The following SLC24A2 variants were observed in gnomAD, a reference collection of about 807,000 sequenced individuals.
SLC24A2 encodes the protein sodium/potassium/calcium exchanger 2.
In SLC24A2, 36 loss-of-function variants were observed where a neutral mutation model predicts 62.0. That is an observed-to-expected ratio of 0.58 (90% CI 0.44 to 0.77). The LOEUF (loss-of-function observed/expected upper bound fraction) is 0.77, where lower values mean the gene tolerates loss of function less well. Among genes scored for constraint, SLC24A2 ranks in the 30% least tolerant of loss-of-function variants. The pLI, the probability that SLC24A2 is intolerant of heterozygous loss-of-function variation, is 0.00. For synonymous variants in SLC24A2, 358 were observed against 294.0 expected, an observed-to-expected ratio of 1.22 and a Z score of -2.23; for missense variants, 846 against 817.9, an observed-to-expected ratio of 1.03 and a Z score of -0.42.
the SLC24A2 span, among the ~76,000 whole-genome samples, chr9:20,176,333 G>T: frequency 2.0e-5 from 3 of 152,000 alleles, no homozygotes; most frequent in Non-Finnish European, 4.4e-5. Context: ...TAACATTATA[G>T]CTGTGATTTC....
At chr9:19,940,769 G>A in the SLC24A2 span, among the ~76,000 whole-genome samples, 1 of 152,238 alleles carries the variant, frequency 6.6e-6, no homozygotes, top group African/African-American at 2.4e-5. Context: ...TACAATGCCT[G>A]CTCCCAAGGG....
rs1212363284 is a variant in SLC24A2, at chr9:19,508,290, C to G, written c.*7863G>C. ...AGAGTCTCAGCCCTTTAGAGAAACT[C>G]TTCAGACCACAAAACAGCCTCTAAC... On this transcript the variant is annotated 3_prime_UTR_variant, in exon 11 of 11. Coordinates refer to ENST00000341998, the MANE Select transcript of SLC24A2 (RefSeq NM_020344.4). The G allele has an allele frequency of 6.6e-6, 1 of 152,166 alleles. No individual in the cohort carries two copies. Among genetic ancestry groups the G allele is most frequent in the Non-Finnish European group, 1.5e-5 (1 of 68,028 alleles). 9.4% of individuals were successfully genotyped at this position (152,166 alleles called of 1,614,324 possible).
At chr9:20,074,913 G>C in the SLC24A2 span, among the ~76,000 whole-genome samples, 1 of 152,016 alleles carries the variant, frequency 6.6e-6, no homozygotes, top group African/African-American at 2.4e-5. Flanking sequence ...GAGCTACAGG[G>C]GCTATGGCTT....
chr9:19,833,339 G>C, the SLC24A2 span, among the ~76,000 whole-genome samples: 1 of 152,174 alleles, frequency 6.6e-6, no homozygotes, highest in Non-Finnish European at 1.5e-5. Context: ...AAAGAAAGGG[G>C]TGACAGACGG....
intron 7 of SLC24A2, among the ~76,000 whole-genome samples, chr9:19,556,407 C>G (rs1021265325): frequency 2.0e-5 from 3 of 152,168 alleles, no homozygotes; most frequent in African/African-American, 7.2e-5. Flanking sequence ...GGGCACTGAG[C>G]AAGATTCCAG....
the SLC24A2 span, among the ~76,000 whole-genome samples, chr9:19,955,569 A>G: frequency 6.6e-6 from 1 of 152,152 alleles, no homozygotes; most frequent in African/African-American, 2.4e-5. Context: ...AACAACAGGT[A>G]TTTGAGGCAG....
chr9:20,153,627 A>G, the SLC24A2 span, among the ~76,000 whole-genome samples: 3 of 151,848 alleles, frequency 2.0e-5, no homozygotes, highest in Non-Finnish European at 2.9e-5. Context: ...TATGATTACT[A>G]TGGGCTCAGG....
the SLC24A2 span, among the ~76,000 whole-genome samples, chr9:20,261,527 C>T: frequency 9.7e-4 from 147 of 152,194 alleles, no homozygotes; most frequent in Non-Finnish European, 1.8e-3. Context: ...ATGAGGGCGC[C>T]GCCCTCATGA....
At chr9:20,130,492 C>A in the SLC24A2 span, among the ~76,000 whole-genome samples, 1 of 151,326 alleles carries the variant, frequency 6.6e-6, no homozygotes, top group South Asian at 2.1e-4. Context: ...GGAAACCACA[C>A]AAGCAAGAAC....
At chr9:20,100,846 C>A in the SLC24A2 span, among the ~76,000 whole-genome samples, 1 of 152,156 alleles carries the variant, frequency 6.6e-6, no homozygotes, top group African/African-American at 2.4e-5. Flanking sequence ...CATCCTCCTA[C>A]TACCTGACCC....
chr9:19,866,625 C>CT, the SLC24A2 span, among the ~76,000 whole-genome samples: 300 of 68,204 alleles, frequency 4.4e-3, 22 homozygotes, highest in Non-Finnish European at 5.5e-3. Flanking sequence ...CACGTTTTCA[C>CT]TTTTTTTTTT....
chr9:19,780,759 G>C (rs1822991788), intron 2 of SLC24A2, among the ~76,000 whole-genome samples: 1 of 151,388 alleles, frequency 6.6e-6, no homozygotes, highest in Non-Finnish European at 1.5e-5. Flanking sequence ...TGTAGTCTCA[G>C]CTACTCAGGA....
chr9:20,107,914 C>T, the SLC24A2 span, among the ~76,000 whole-genome samples: 1 of 152,106 alleles, frequency 6.6e-6, no homozygotes, highest in Non-Finnish European at 1.5e-5. Context: ...AGGCAACCTA[C>T]AAAATGGGAG....
chr9:19,799,199 T>G, the SLC24A2 span, among the ~76,000 whole-genome samples: 1 of 152,196 alleles, frequency 6.6e-6, no homozygotes, highest in East Asian at 1.9e-4. Flanking sequence ...ACTATCTCAT[T>G]TCTCCAGTTT....
the SLC24A2 span, among the ~76,000 whole-genome samples, chr9:19,863,431 G>A: frequency 6.6e-6 from 1 of 151,606 alleles, no homozygotes; most frequent in Non-Finnish European, 1.5e-5. Context: ...AAGAACTGCA[G>A]GATGGATCAT....
chr9:19,738,771 G>A (rs1358259888), intron 2 of SLC24A2, among the ~76,000 whole-genome samples: 1 of 151,826 alleles, frequency 6.6e-6, no homozygotes, highest in East Asian at 1.9e-4. Flanking sequence ...CCATATACAA[G>A]CCAAAAACAG....
chr9:20,145,950 T>C, the SLC24A2 span, among the ~76,000 whole-genome samples: 2,176 of 144,216 alleles, frequency 0.015, 60 homozygotes, highest in African/African-American at 0.051. Flanking sequence ...TCTTGTCAAG[T>C]CAGTACATAT....
the SLC24A2 span, among the ~76,000 whole-genome samples, chr9:20,193,579 T>C: frequency 6.6e-6 from 1 of 152,050 alleles, no homozygotes; most frequent in Non-Finnish European, 1.5e-5. Context: ...TCTTTTAATA[T>C]ATAAGCAAAT....
intron 2 of SLC24A2, among the ~76,000 whole-genome samples, chr9:19,631,746 A>G (rs1818184948): frequency 1.3e-5 from 2 of 152,208 alleles, no homozygotes; most frequent in Non-Finnish European, 2.9e-5. Flanking sequence ...TGGGGCCTAC[A>G]GTATGGTCAG....
Sources: gnomAD v4.1 joint callset for allele counts (sites outside exome capture counted in the v4.1 genomes callset) on GRCh38, gnomAD v4.1.1 for gene constraint, MANE v1.5 for transcripts, NCBI Gene and HGNC (gene_info 2026-07-23, HGNC 2026-07-21) for gene names.